The following KLHL35 variants were observed in gnomAD, a reference collection of about 807,000 sequenced individuals.
The protein encoded by KLHL35 is kelch like family member 35, also known as kelch-like protein 35.
In KLHL35, 50 loss-of-function variants were observed where a neutral mutation model predicts 44.0. That is an observed-to-expected ratio of 1.14 (90% CI 0.91 to 1.44). The LOEUF is 1.44. Among genes scored for constraint, KLHL35 ranks in the 40% most tolerant of loss-of-function variants. KLHL35 has a pLI of 0.00. For missense variants in KLHL35, 1,049 were observed against 887.8 expected (o/e 1.18, Z -2.31); for synonymous variants, 470 against 410.4 (o/e 1.15, Z -1.76).
chr11:75,425,714 C>T (rs1190307267), intron 4 of KLHL35, 133 bp from the exon 5 acceptor site: 1 of 819,348 alleles, frequency 1.2e-6, no homozygotes, highest in East Asian at 3.4e-5. Context: ...CCAAACTGAC[C>T]CCCGAGCCCA....
At chr11:75,428,731 T>C (rs1384932753) in intron 2 of KLHL35, 105 bp from the exon 3 acceptor site, 15 of 1,029,446 alleles carry the variant, frequency 1.5e-5, no homozygotes, top group Middle Eastern at 3.0e-4. Context: ...CATGCGTTTC[T>C]GCCATCACCC....
chr11:75,429,924 G>A lies in KLHL35; in HGVS notation c.706C>T (p.Arg236Ter). Residue 236 changes from arginine to a stop codon, truncating the protein, a stop_gained, in exon 2 of 7, where the codon CGA becomes TGA. Transcript: ENST00000539798. LOFTEE classifies it high-confidence loss of function. ...HDAPARRGQL[R>*]RLLEHVRLPL... Reference sequence around the variant, plus strand: ...AGGCGCACGTGCTCCAGCAGGCGTCGCAGCTGGCCGCGGCGGGCCGGCGCG... The same window carrying A: ...AGGCGCACGTGCTCCAGCAGGCGTCACAGCTGGCCGCGGCGGGCCGGCGCG... 2.0e-6 allele frequency: 3 copies of A among 1,473,470 alleles called. No homozygotes were observed. The highest frequency in any genetic ancestry group is 1.8e-6 in the Non-Finnish European group (2 of 1,122,142). 91.3% of individuals were successfully genotyped at this position (1,473,470 alleles called of 1,614,324 possible).
intron 5 of KLHL35, chr11:75,424,183 C>A: frequency 2.9e-6 from 1 of 345,772 alleles, no homozygotes; most frequent in Non-Finnish European, 5.3e-6. Context: ...GGTGTTCCCC[C>A]CTCCCCTCAC....
Position 75,429,774 on chromosome 11 carries a change from C to G in KLHL35, c.856G>C (p.Gly286Arg). The change falls in exon 2 of 7, where the codon GGT (glycine) becomes CGT (arginine). Residue 286 changes from glycine to arginine, a missense_variant. Coordinates refer to ENST00000539798, the MANE Select transcript of KLHL35 (RefSeq NM_001039548.3). ...CTCCGCGGCCGGGTCCGCAGCGCAC[C>G]GGCCTCGCGGCCCAGGATGAAGCAG... ...RACFILGREA[G>R]ALRTRPRRFM... 2 of 1,497,832 alleles carry G rather than the reference C, an allele frequency of 1.3e-6. No individual in the cohort carries two copies. The highest frequency in any genetic ancestry group is 1.8e-6 in the Non-Finnish European group (2 of 1,129,150). 92.8% of individuals were successfully genotyped at this position (1,497,832 alleles called of 1,614,324 possible).
intron 2 of KLHL35, 100 bp downstream of exon 2, chr11:75,429,649 A>G: frequency 2.3e-6 from 3 of 1,312,282 alleles, no homozygotes; most frequent in Non-Finnish European, 2.9e-6. Flanking sequence ...ATGACTGAAT[A>G]TCATCAAGAG....
rs1157529135 is a variant in KLHL35 at position 75,430,702 on chromosome 11, T to C, written c.-1-72A>G. On this transcript the variant is annotated intron_variant, in intron 1 of 6. Transcript: ENST00000539798. Reference sequence around the variant, plus strand: ...CGCCCGGGAGAGGCGACAGCCCTCATCCGTTTATTTCCTCTCTTGACCATT... The same window carrying C: ...CGCCCGGGAGAGGCGACAGCCCTCACCCGTTTATTTCCTCTCTTGACCATT... The C allele has an allele frequency of 6.7e-6, 8 of 1,199,152 alleles. No individual in the cohort carries two copies. The African/African-American group carries it at 1.3e-4, about 19-fold the overall frequency. The allele number at this position is 1,199,152 out of a possible 1,614,324, so 74.3% of individuals were successfully genotyped here.
In KLHL35 at chr11:75,422,622, G is replaced by T. The variant is rs746054024; in HGVS notation, c.1710C>A (p.Ser570Arg). ...GGATGATGGTGACACAGCCGTGGGA[G>T]CTGGTGCAGCGCTGCAGGGATGGCT... ...EVQPSLQRCT[S>R]SHGCVTIIQS... The change falls in exon 7 of 7, where the codon AGC becomes AGA. Residue 570 changes from serine to arginine, a missense_variant. Transcript: ENST00000539798. 3.7e-6 allele frequency: 6 copies of T among 1,613,884 alleles called. No homozygotes were observed. Among genetic ancestry groups the T allele is most frequent in the Non-Finnish European group, 3.4e-6 (4 of 1,179,808 alleles).
Position 75,430,585 on chromosome 11 carries a change from T to C in KLHL35, c.45A>G (p.Glu15=), listed in dbSNP as rs11236430. 0.6 allele frequency: 865,547 copies of C among 1,432,882 alleles called. 265,060 individuals are homozygous for C. Among genetic ancestry groups the C allele is most frequent in the African/African-American group, 0.81 (54,485 of 66,958 alleles). The allele number at this position is 1,432,882 out of a possible 1,614,324, so 88.8% of individuals were successfully genotyped here. A position where few individuals can be genotyped will look rare whatever the true frequency, so the allele number is the denominator to read the frequency against. The change falls in exon 2 of 7, where the codon GAA becomes GAG. Residue 15 remains glutamate, a synonymous_variant. Coordinates refer to ENST00000539798, the MANE Select transcript of KLHL35 (RefSeq NM_001039548.3). ...CGTGGCACGGACCCGCGCACGGCGC[T>C]TCGCAGCCCGGCTCCGACTCCTCCG... The part of the protein sequence containing the change: ...HAPEESEPGC[E]APCAGPCHAQ...
In KLHL35 at chr11:75,423,798, GA is replaced by G; in HGVS notation, c.1456del (p.Ser486ProfsTer13). 3 of 1,613,678 alleles carry G rather than the reference GA, an allele frequency of 1.9e-6. No homozygotes were observed. The highest frequency in any genetic ancestry group is 2.5e-6 in the Non-Finnish European group (3 of 1,179,660). ...CATGACATAGATGGTGTCCTCAAGG[GA>G]GACAGCCTCGAGACACCGCTGTGAG... is the stretch of plus-strand genomic sequence containing the variant. ...PFSQRCLEAV[S>X]LEDTIYVMGG... On this transcript the variant is annotated frameshift_variant, in exon 6 of 7. Coordinates refer to ENST00000539798, the MANE Select transcript of KLHL35 (RefSeq NM_001039548.3). LOFTEE classifies it high-confidence loss of function.
At chr11:75,429,260 AG>A (rs1361739921) in intron 2 of KLHL35, among the ~76,000 whole-genome samples, 3 of 152,132 alleles carry the variant, frequency 2.0e-5, no homozygotes, top group African/African-American at 7.2e-5. Flanking sequence ...CACATATTTG[AG>A]GATCTCTGTC....
In KLHL35 at chr11:75,428,431, T is replaced by A. The variant is rs1948507895; in HGVS notation, c.1066+11A>T. 6.2e-7 allele frequency: 1 copy of A among 1,611,856 alleles called. No homozygotes were observed. The highest frequency in any genetic ancestry group is 1.3e-5 in the African/African-American group (1 of 74,916). On this transcript the variant is annotated intron_variant, in intron 3 of 6. Transcript: ENST00000539798. The stretch of plus-strand genomic sequence containing the variant: ...ATCCCGTGTGAGCTCCCGTTGCGGC[T>A]CCGCCCTCACCGGAGACGTAGACGT...
Position 75,428,525 on chromosome 11 carries a change from C to T in KLHL35, c.983G>A (p.Arg328Gln), listed in dbSNP as rs759647018. Residue 328 changes from arginine (R) to glutamine (Q), a missense_variant, in exon 3 of 7, where the codon CGG becomes CAG. Coordinates refer to ENST00000539798, the MANE Select transcript of KLHL35 (RefSeq NM_001039548.3). ...GGGCAGGCTGGGCAGTGGGGTCCAC[C>T]GCTGGCTCTCTGGATGGTAGGCATC... The part of the protein sequence containing the change: ...FADAYHPESQ[R>Q]WTPLPSLPGY... 8 of 1,612,172 alleles carry T rather than the reference C, an allele frequency of 5.0e-6. No individual in the cohort carries two copies. The African/African-American group carries it at 9.3e-5, about 19-fold the overall frequency.
chr11:75,423,967 G>A (rs1034687076), intron 5 of KLHL35, 87 bp from the exon 6 acceptor site: 2 of 1,083,072 alleles, frequency 1.8e-6, no homozygotes, highest in Admixed American at 2.5e-5. Context: ...TCTCCCCCCG[G>A]GGGCACTCAT....
Position 75,430,452 on chromosome 11 carries a change from T to A in KLHL35, c.178A>T (p.Ser60Cys). Residue 60 changes from serine (S) to cysteine (C), a missense_variant, in exon 2 of 7, where the codon AGC becomes TGC. Ser to Cys is a moderately radical substitution (Grantham distance 112). Coordinates refer to ENST00000539798, the MANE Select transcript of KLHL35 (RefSeq NM_001039548.3). ...CTGCGGAAGTAGGCGCTGCCCGCGCTGAGCGCCGCGCGGTGGCACGGAAAG... is the reference window on the plus strand; with the variant it reads ...CTGCGGAAGTAGGCGCTGCCCGCGCAGAGCGCCGCGCGGTGGCACGGAAAG... The part of the protein sequence containing the change: ...RDFPCHRAAL[S>C]AGSAYFRSLF... 1.4e-6 allele frequency: 2 copies of A among 1,391,944 alleles called. No homozygotes were observed. Among genetic ancestry groups the A allele is most frequent in the Non-Finnish European group, 1.9e-6 (2 of 1,076,476 alleles). The allele number at this position is 1,391,944 out of a possible 1,614,324, so 86.2% of individuals were successfully genotyped here. A position where few individuals can be genotyped will look rare whatever the true frequency, so the allele number is the denominator to read the frequency against.
intron 1 of KLHL35, 21 bp from the exon 2 acceptor site, chr11:75,430,651 A>T: frequency 7.5e-7 from 1 of 1,334,694 alleles, no homozygotes; most frequent in Admixed American, 3.9e-5. Flanking sequence ...GAGAACACAA[A>T]CAGCGTCGGG....
rs1027148672 is a variant in KLHL35, at chr11:75,428,331, A to G, written c.1066+111T>C. ...TCACTTCAGCCAATAACTGTAGGTT[A>G]TCAGAAAACATCCCGCCCCTCTCTC... On this transcript the variant is annotated intron_variant, in intron 3 of 6. Transcript: ENST00000539798. 157 of 1,259,338 alleles carry G rather than the reference A, an allele frequency of 1.2e-4. 1 individual carries two copies. The highest frequency in any genetic ancestry group is 1.6e-4 in the Non-Finnish European group (152 of 922,114). 78.0% of individuals were successfully genotyped at this position (1,259,338 alleles called of 1,614,324 possible).
intron 4 of KLHL35, 119 bp downstream of exon 4, chr11:75,426,401 C>CTT (rs1948492686): frequency 1.6e-6 from 1 of 609,784 alleles, no homozygotes; most frequent in African/African-American, 1.9e-5. Context: ...GGACAAGTCT[C>CTT]CTTTTTTGGG....
rs77761323 is a variant in KLHL35, at chr11:75,422,451, T to C, written c.*129A>G. 1.1e-5 allele frequency: 9 copies of C among 823,238 alleles called. No homozygotes were observed. The highest frequency in any genetic ancestry group is 8.2e-5 in the Admixed American group (3 of 36,668). The allele number at this position is 823,238 out of a possible 1,614,324, so 51.0% of individuals were successfully genotyped here. ...CAGCTGGAACACAGACCCAACAAGA[T>C]TTTATTTATACAAGAAAAGGGACCA... is the stretch of plus-strand genomic sequence containing the variant. On this transcript the variant is annotated 3_prime_UTR_variant, in exon 7 of 7. Transcript: ENST00000539798.
At chr11:75,423,080 A>G (rs1434071321) in intron 6 of KLHL35, 6 of 354,516 alleles carry the variant, frequency 1.7e-5, no homozygotes, top group Admixed American at 1.6e-4. Flanking sequence ...AGCATTTTAC[A>G]TAGAGCCTGG....
Sources: allele counts gnomAD v4.1 joint callset (sites outside exome capture counted in the v4.1 genomes callset), GRCh38; gene constraint gnomAD v4.1.1; transcripts MANE v1.5; gene names NCBI Gene and HGNC (gene_info 2026-07-23, HGNC 2026-07-21).